The following DOCK4 variants were observed in gnomAD, a reference collection of about 807,000 sequenced individuals.
DOCK4 encodes dedicator of cytokinesis 4, also known as dedicator of cytokinesis protein 4.
Under a neutral mutation model 268.1 loss-of-function variants are expected in DOCK4, and 97 were observed. The ratio of observed to expected loss-of-function variants is 0.36; its 90% CI spans 0.31 to 0.43. DOCK4 has a LOEUF of 0.43. Ranked by LOEUF, DOCK4 falls within the 20% of genes least tolerant of loss-of-function variation. DOCK4 has a pLI of 1.00. For missense variants in DOCK4, 2,145 were observed against 2,455.7 expected (o/e 0.87, Z 2.67); for synonymous variants, 954 against 887.2 (o/e 1.08, Z -1.34).
At chr7:111,915,744 T>C (rs370707762) in intron 13 of DOCK4, 35 bp downstream of exon 13, 55 of 1,605,862 alleles carry the variant, frequency 3.4e-5, no homozygotes, top group Non-Finnish European at 4.7e-5. Flanking sequence ...AGTATACCCA[T>C]ATTTCATCAT....
At chr7:111,840,922 G>A in intron 25 of DOCK4, 2 of 1,119,188 alleles carry the variant, frequency 1.8e-6, no homozygotes, top group South Asian at 2.5e-5. Flanking sequence ...CCAGAGAATG[G>A]ATTTTGTGAA....
chr7:111,773,843 C>T (rs1253477889), intron 36 of DOCK4, among the ~76,000 whole-genome samples: 1 of 151,668 alleles, frequency 6.6e-6, no homozygotes, highest in African/African-American at 2.4e-5. Flanking sequence ...ATGGCAAAAC[C>T]CTGTCCCTAC....
chr7:112,146,727 T>C (rs960102931), intron 1 of DOCK4, among the ~76,000 whole-genome samples: 1 of 152,120 alleles, frequency 6.6e-6, no homozygotes, highest in Non-Finnish European at 1.5e-5. Flanking sequence ...TGTAAGACCT[T>C]GTCTCAAAAA....
chr7:112,029,613 T>C (rs1803104926), intron 1 of DOCK4, among the ~76,000 whole-genome samples: 1 of 152,198 alleles, frequency 6.6e-6, no homozygotes, highest in African/African-American at 2.4e-5. Context: ...AACTTGTCAC[T>C]CTGGTTGAAT....
chr7:112,125,526 T>C (rs1399345127), intron 1 of DOCK4, among the ~76,000 whole-genome samples: 1 of 152,180 alleles, frequency 6.6e-6, no homozygotes, highest in Non-Finnish European at 1.5e-5. Flanking sequence ...GAGAACGGCC[T>C]TTGAAGAAGC....
At chr7:112,094,220 G>GA (rs771249112) in intron 1 of DOCK4, among the ~76,000 whole-genome samples, 91 of 128,228 alleles carry the variant, frequency 7.1e-4, no homozygotes, top group African/African-American at 1.8e-3. Flanking sequence ...TCATCACAAG[G>GA]AAAAAAAAAA....
intron 44 of DOCK4, among the ~76,000 whole-genome samples, chr7:111,744,520 C>T (rs1052174559): frequency 2.6e-5 from 4 of 152,084 alleles, no homozygotes; most frequent in Non-Finnish European, 5.9e-5. Flanking sequence ...ATAAGCAGGA[C>T]GTAGAAGAAA....
At chr7:111,988,260 C>T (rs969524081) in intron 6 of DOCK4, among the ~76,000 whole-genome samples, 3 of 152,110 alleles carry the variant, frequency 2.0e-5, no homozygotes, top group Admixed American at 1.3e-4. Flanking sequence ...ATTAAGGAAC[C>T]ATGTCACTGC....
intron 7 of DOCK4, among the ~76,000 whole-genome samples, chr7:111,978,866 T>C (rs775412080): frequency 4.6e-5 from 7 of 152,178 alleles, no homozygotes; most frequent in Middle Eastern, 3.2e-3. Flanking sequence ...TGATTCAGGA[T>C]AAGAGTACAG....
chr7:111,739,818 G>T (rs1275794821), intron 47 of DOCK4: 9 of 350,230 alleles, frequency 2.6e-5, no homozygotes, highest in Non-Finnish European at 4.9e-5. Flanking sequence ...CATAAAATAT[G>T]CCTTCTTGTT....
At chr7:111,827,603 A>G (rs747357419) in intron 26 of DOCK4, among the ~76,000 whole-genome samples, 2 of 152,150 alleles carry the variant, frequency 1.3e-5, no homozygotes, top group Non-Finnish European at 2.9e-5. Flanking sequence ...AGGGATTAAC[A>G]GGGGTACACA....
chr7:112,104,121 T>C (rs775740313), intron 1 of DOCK4, among the ~76,000 whole-genome samples: 73 of 152,168 alleles, frequency 4.8e-4, no homozygotes, highest in Non-Finnish European at 8.5e-4. Flanking sequence ...GACCAGTGTT[T>C]GCCCAGCCAC....
chr7:112,013,150 T>C (rs571793133), intron 1 of DOCK4, among the ~76,000 whole-genome samples: 29 of 152,326 alleles, frequency 1.9e-4, no homozygotes, highest in Admixed American at 5.2e-4. Context: ...ATCTTCCTCA[T>C]ACAACTAAGC....
intron 1 of DOCK4, among the ~76,000 whole-genome samples, chr7:112,086,596 C>A (rs1447573554): frequency 6.6e-6 from 1 of 152,022 alleles, no homozygotes; most frequent in African/African-American, 2.4e-5. Context: ...ACAGTGGTTG[C>A]CAAAAATCTA....
At chr7:111,931,003 TGA>T (rs1211178726) in intron 12 of DOCK4, among the ~76,000 whole-genome samples, 1 of 152,100 alleles carries the variant, frequency 6.6e-6, no homozygotes, top group Non-Finnish European at 1.5e-5. Flanking sequence ...TGCCTCAGCT[TGA>T]GAGAGGCTAG....
At chr7:112,000,575 G>T (rs759657909) in intron 2 of DOCK4, 41 bp from the exon 3 acceptor site, 4 of 1,407,876 alleles carry the variant, frequency 2.8e-6, no homozygotes, top group South Asian at 2.9e-5. Flanking sequence ...ATAAACCATT[G>T]TAATATTTTA....
At chr7:112,202,681 C>T (rs1821047959) in intron 1 of DOCK4, among the ~76,000 whole-genome samples, 1 of 151,562 alleles carries the variant, frequency 6.6e-6, no homozygotes, top group African/African-American at 2.4e-5. Flanking sequence ...CTTGAGGCTA[C>T]AGGCTATAGT....
intron 34 of DOCK4, among the ~76,000 whole-genome samples, 169 bp from the exon 35 acceptor site, chr7:111,783,093 A>G (rs969397459): frequency 3.3e-5 from 5 of 152,228 alleles, no homozygotes; most frequent in South Asian, 4.2e-4. Flanking sequence ...ATTTAGATAC[A>G]TGTTCCAAGG....
chr7:111,899,850 G>A (rs1484684384), intron 15 of DOCK4, among the ~76,000 whole-genome samples: 1 of 152,200 alleles, frequency 6.6e-6, no homozygotes, highest in Non-Finnish European at 1.5e-5. Flanking sequence ...CTTGAGCCTG[G>A]GAGGCGGAAG....
Sources: gnomAD v4.1 joint callset for allele counts (sites outside exome capture counted in the v4.1 genomes callset) on GRCh38, gnomAD v4.1.1 for gene constraint, MANE v1.5 for transcripts, NCBI Gene and HGNC (gene_info 2026-07-23, HGNC 2026-07-21) for gene names.